Variants in RBFOX2 observed in about 807,000 individuals in gnomAD.
RBFOX2 encodes RNA binding fox-1 homolog 2, also known as RNA binding protein fox-1 homolog 2.
RBFOX2 carries 10 observed loss-of-function variants against 49.1 expected under a neutral mutation model. That is an observed-to-expected ratio of 0.20 (90% confidence interval 0.13 to 0.35). RBFOX2 has a LOEUF of 0.35. RBFOX2 is among the 10% of genes least tolerant of loss of function. The pLI is 1.00. For synonymous variants in RBFOX2, 183 were observed against 187.4 expected, an observed-to-expected ratio of 0.98 and a Z score of 0.19; for missense variants, 323 against 486.9, an observed-to-expected ratio of 0.66 and a Z score of 3.17.
At chr22:35,812,984 T>C (rs1362701224) in intron 1 of RBFOX2, among the ~76,000 whole-genome samples, 1 of 152,226 alleles carries the variant, frequency 6.6e-6, no homozygotes, top group Non-Finnish European at 1.5e-5. Context: ...ACTTGTAGCC[T>C]AGGCACTAGG....
At chr22:35,954,073 A>C (rs1231449529) in intron 1 of RBFOX2, among the ~76,000 whole-genome samples, 3 of 152,124 alleles carry the variant, frequency 2.0e-5, no homozygotes, top group African/African-American at 7.2e-5. Flanking sequence ...CACACAATAT[A>C]TATGTTTTTT....
At chr22:35,825,728 C>A (rs1227256178) in intron 1 of RBFOX2, among the ~76,000 whole-genome samples, 1 of 152,088 alleles carries the variant, frequency 6.6e-6, no homozygotes, top group African/African-American at 2.4e-5. Context: ...CGCCTGTAAT[C>A]CCAGCACTCT....
intron 1 of RBFOX2, among the ~76,000 whole-genome samples, chr22:35,909,418 C>T (rs2049511400): frequency 6.6e-6 from 1 of 152,076 alleles, no homozygotes; most frequent in South Asian, 2.1e-4. Flanking sequence ...CAGTAAAAGG[C>T]TTAAAGTAAT....
chr22:35,825,779 G>A (rs1028909799), intron 1 of RBFOX2, among the ~76,000 whole-genome samples: 1 of 151,446 alleles, frequency 6.6e-6, no homozygotes, highest in Non-Finnish European at 1.5e-5. Context: ...TCAGTAGTTC[G>A]AGACCAGCCT....
chr22:35,795,735 TG>T (rs564298107), intron 2 of RBFOX2, among the ~76,000 whole-genome samples: 59 of 150,718 alleles, frequency 3.9e-4, no homozygotes, highest in African/African-American at 1.3e-3. Context: ...AGTAATAAAG[TG>T]GGCCACTCAG....
In RBFOX2 at chr22:35,749,761, T is replaced by G. The variant is rs1227979789; in HGVS notation, c.888-3200A>C. Among the ~76,000 whole-genome samples the G allele has an allele frequency of 1.3e-5, 2 of 152,180 alleles. No homozygotes were observed. The highest frequency in any genetic ancestry group is 4.8e-5 in the African/African-American group (2 of 41,426). On this transcript the variant is annotated intron_variant, in intron 9 of 11. Coordinates refer to ENST00000405409, the Ensembl canonical transcript of RBFOX2. The surrounding 1 kb of genome is among the most constrained non-coding windows in gnomAD (Gnocchi z 4.1). ...GAAACACCAAGGTTTTCATTACTGTTTCTTAAGTTTTTCAAAAAGAACAAG... is the reference window on the plus strand; with the variant it reads ...GAAACACCAAGGTTTTCATTACTGTGTCTTAAGTTTTTCAAAAAGAACAAG...
intron 1 of RBFOX2, among the ~76,000 whole-genome samples, chr22:36,013,325 A>C (rs892862955): frequency 4.6e-5 from 7 of 152,188 alleles, no homozygotes; most frequent in African/African-American, 7.2e-5. Flanking sequence ...ACTTGGGGAC[A>C]AGAATAAGAA....
At chr22:35,772,522 C>G (rs1012167229) in intron 4 of RBFOX2, among the ~76,000 whole-genome samples, 2 of 152,086 alleles carry the variant, frequency 1.3e-5, no homozygotes, top group African/African-American at 4.8e-5. Context: ...CGTTTAAACT[C>G]TCCAAATTTC....
At position 35,826,127 on chromosome 22, in the gene RBFOX2, G is replaced by A. The variant is rs188814271; in HGVS notation, c.27+14065C>T. ...GAAGCTGAGGCAGATGGATCACTGA[G>A]GTCAGGAGTTCGAGACCAGCCTGAC... On this transcript the variant is annotated intron_variant, in intron 1 of 11. Transcript: ENST00000405409. Among the ~76,000 whole-genome samples the A allele has an allele frequency of 7.3e-5, 11 of 150,494 alleles. No individual in the cohort carries two copies. In the East Asian group the frequency reaches 2.1e-3, roughly 29 times the overall value.
intron 6 of RBFOX2, among the ~76,000 whole-genome samples, chr22:35,762,058 A>C (rs1372314787): frequency 1.3e-5 from 2 of 152,236 alleles, no homozygotes; most frequent in Non-Finnish European, 2.9e-5. Context: ...ATGAAATAGT[A>C]AAATTCAAGG....
intron 1 of RBFOX2, among the ~76,000 whole-genome samples, chr22:35,894,415 C>G (rs1447205440): frequency 6.6e-6 from 1 of 152,076 alleles, no homozygotes; most frequent in African/African-American, 2.4e-5. Context: ...CGCCTATTGG[C>G]TCTCAATATC....
rs1303006973 is a variant in RBFOX2, at chr22:35,749,929, A to G, written c.888-3368T>C. ...CACCACGTTCAGACTCGTATTGGCT[A>G]ACTCTATCTATCCCAGCATTCTCTT... On this transcript the variant is annotated intron_variant, in intron 9 of 11. Coordinates refer to ENST00000405409, the Ensembl canonical transcript of RBFOX2. This position sits in a 1 kb window ranked among gnomAD's most constrained non-coding sequence, Gnocchi z 4.1. Among the ~76,000 whole-genome samples, 1 of 152,154 alleles carries G rather than the reference A, an allele frequency of 6.6e-6. No individual in the cohort carries two copies. The highest frequency in any genetic ancestry group is 2.4e-5 in the African/African-American group (1 of 41,422).
At chr22:35,992,152 G>A (rs1039558905) in intron 1 of RBFOX2, among the ~76,000 whole-genome samples, 7 of 152,142 alleles carry the variant, frequency 4.6e-5, no homozygotes, top group East Asian at 1.9e-4. Context: ...CCACACCAGC[G>A]GATGTTGCCA....
intron 1 of RBFOX2, among the ~76,000 whole-genome samples, chr22:35,985,701 A>T (rs191163884): frequency 6.6e-6 from 1 of 152,300 alleles, no homozygotes; most frequent in East Asian, 1.9e-4. Context: ...CTATGGCTCT[A>T]AATGAAATAT....
intron 6 of RBFOX2, among the ~76,000 whole-genome samples, chr22:35,763,976 A>C (rs1939908137): frequency 6.6e-6 from 1 of 152,172 alleles, no homozygotes; most frequent in Non-Finnish European, 1.5e-5. Flanking sequence ...AGATGTAAAG[A>C]AAATTTGACA....
At chr22:36,009,188 G>A (rs753042461) in intron 1 of RBFOX2, among the ~76,000 whole-genome samples, 1 of 152,118 alleles carries the variant, frequency 6.6e-6, no homozygotes, top group Non-Finnish European at 1.5e-5. Flanking sequence ...TCTGGCGCCC[G>A]TGCTTTGTGC....
chr22:35,761,214 T>G, exon 8 of RBFOX2: 1 of 1,613,346 alleles, frequency 6.2e-7, no homozygotes, highest in Non-Finnish European at 8.5e-7. Context: ...ATTAAAGGAA[T>G]GTAAGTGTTG....
At chr22:35,801,497 CT>C (rs965564567) in intron 2 of RBFOX2, among the ~76,000 whole-genome samples, 2 of 151,758 alleles carry the variant, frequency 1.3e-5, no homozygotes, top group African/African-American at 4.8e-5. Context: ...AAATAAATGG[CT>C]TATGAGCAGT....
At position 35,896,415 on chromosome 22, in the gene RBFOX2, C is replaced by T. The variant is rs138714627; in HGVS notation, c.-34+42432G>A. Among the ~76,000 whole-genome samples, 463 of 152,326 alleles carry T rather than the reference C, an allele frequency of 3.0e-3. 4 individuals carry two copies. Among genetic ancestry groups the T allele is most frequent in the Non-Finnish European group, 5.0e-3 (339 of 68,028 alleles). ...ATAAAAAGCAAACAAAAACCACCTT[C>T]CAGCTGCCTCAGGGTTTTGGCTCCC... is the stretch of plus-strand genomic sequence containing the variant. On this transcript the variant is annotated intron_variant, in intron 1 of 13. Coordinates refer to the RBFOX2 transcript ENST00000359369.
Sources: gnomAD v4.1 joint callset for allele counts (sites outside exome capture counted in the v4.1 genomes callset) on GRCh38, gnomAD v4.1.1 for gene constraint, Gnocchi (gnomAD v3.1) non-coding constraint, MANE v1.5 for transcripts, NCBI Gene and HGNC (gene_info 2026-07-23, HGNC 2026-07-21) for gene names.